The following THSD7B variants were observed in gnomAD, a reference collection of about 807,000 sequenced individuals.
THSD7B encodes thrombospondin type 1 domain containing 7B.
A neutral mutation model predicts 213.6 loss-of-function variants in THSD7B; 138 were observed. That is an observed-to-expected ratio of 0.65 (90% CI 0.56 to 0.74). The LOEUF (loss-of-function observed/expected upper bound fraction) is 0.74. Among genes scored for constraint, THSD7B ranks in the 30% least tolerant of loss-of-function variants. THSD7B has a pLI of 0.00. For synonymous variants in THSD7B, 742 were observed against 687.0 expected (o/e 1.08, Z -1.25); for missense variants, 1,931 against 1,991.5 (o/e 0.97, Z 0.58).
At chr2:137,594,512 C>T (rs564144925) in intron 17 of THSD7B, among the ~76,000 whole-genome samples, 89 of 151,960 alleles carry the variant, frequency 5.9e-4, no homozygotes, top group Admixed American at 1.2e-3. Flanking sequence ...CTTTGTAGAA[C>T]ATCAAGTAAA....
chr2:137,012,597 C>G (rs939647405), intron 2 of THSD7B, among the ~76,000 whole-genome samples: 1 of 152,164 alleles, frequency 6.6e-6, no homozygotes, highest in Non-Finnish European at 1.5e-5. Flanking sequence ...TCTAGTTGTT[C>G]AGCAAGTTCA....
intron 15 of THSD7B, among the ~76,000 whole-genome samples, chr2:137,469,103 A>G (rs1688046208): frequency 6.6e-6 from 1 of 152,032 alleles, no homozygotes; most frequent in Non-Finnish European, 1.5e-5. Flanking sequence ...TTTGAATGTA[A>G]GACCTATCTG....
intron 15 of THSD7B, among the ~76,000 whole-genome samples, chr2:137,502,191 C>A (rs912034347): frequency 1.6e-4 from 19 of 118,240 alleles, no homozygotes; most frequent in African/African-American, 5.5e-4. Context: ...AATAAATATT[C>A]TTTCATTATA....
At chr2:137,298,868 C>T (rs189079554) in intron 12 of THSD7B, among the ~76,000 whole-genome samples, 21 of 152,242 alleles carry the variant, frequency 1.4e-4, no homozygotes, top group East Asian at 9.7e-4. Flanking sequence ...GCTGCAGGGG[C>T]GGGGCCCTCA....
chr2:137,079,384 A>G (rs551778823), intron 3 of THSD7B, among the ~76,000 whole-genome samples: 1 of 152,070 alleles, frequency 6.6e-6, no homozygotes, highest in Non-Finnish European at 1.5e-5. Flanking sequence ...GTATTTTTCT[A>G]CACATAGTTG....
intron 12 of THSD7B, among the ~76,000 whole-genome samples, chr2:137,331,799 T>G (rs1317095941): frequency 6.6e-6 from 1 of 152,118 alleles, no homozygotes; most frequent in Admixed American, 6.5e-5. Flanking sequence ...GCAGCGCTCG[T>G]GGGCTGGTAC....
At chr2:137,403,944 T>C (rs887203768) in intron 12 of THSD7B, among the ~76,000 whole-genome samples, 7 of 152,178 alleles carry the variant, frequency 4.6e-5, no homozygotes, top group African/African-American at 1.4e-4. Flanking sequence ...CTGTCCAATC[T>C]AAATTTTCTG....
At chr2:137,034,777 T>C (rs1442746913) in intron 2 of THSD7B, among the ~76,000 whole-genome samples, 4 of 152,232 alleles carry the variant, frequency 2.6e-5, no homozygotes, top group African/African-American at 7.2e-5. Flanking sequence ...ACTCATTCTT[T>C]TTTATAGCTG....
intron 12 of THSD7B, among the ~76,000 whole-genome samples, chr2:137,287,679 G>A (rs1683217815): frequency 6.6e-6 from 1 of 152,092 alleles, no homozygotes; most frequent in Admixed American, 6.6e-5. Flanking sequence ...AATAAGCTAT[G>A]ATAAAAAGAA....
chr2:137,288,937 G>A (rs1269198235), intron 12 of THSD7B, among the ~76,000 whole-genome samples: 1 of 152,076 alleles, frequency 6.6e-6, no homozygotes, highest in Non-Finnish European at 1.5e-5. Flanking sequence ...ACTTTGAAAT[G>A]TGAGGGACAT....
At chr2:136,962,344 C>T (rs891401145) in intron 2 of THSD7B, among the ~76,000 whole-genome samples, 11 of 144,232 alleles carry the variant, frequency 7.6e-5, no homozygotes, top group South Asian at 4.5e-4. Context: ...TTGCTACATT[C>T]GTGGTAATTG....
chr2:137,577,912 C>T (rs1254319088), intron 17 of THSD7B, among the ~76,000 whole-genome samples: 5 of 152,024 alleles, frequency 3.3e-5, no homozygotes, highest in Admixed American at 6.6e-5. Context: ...GATTGTAACG[C>T]GATTCAAGAG....
chr2:137,316,498 G>A (rs779457702), intron 12 of THSD7B, among the ~76,000 whole-genome samples: 5 of 152,172 alleles, frequency 3.3e-5, no homozygotes, highest in Non-Finnish European at 7.3e-5. Flanking sequence ...AGGTGAGGCT[G>A]GGCGTGGTGG....
intron 3 of THSD7B, among the ~76,000 whole-genome samples, chr2:137,068,131 G>A (rs1437281454): frequency 6.6e-6 from 1 of 151,932 alleles, no homozygotes; most frequent in Non-Finnish European, 1.5e-5. Context: ...CTATGACTTC[G>A]ATTCTCTGAT....
intron 2 of THSD7B, among the ~76,000 whole-genome samples, chr2:137,007,388 T>C (rs573308690): frequency 3.9e-5 from 6 of 152,308 alleles, no homozygotes; most frequent in African/African-American, 1.2e-4. Flanking sequence ...ATTAAAAGTT[T>C]CCTGCAGATT....
At chr2:136,984,072 C>T (rs1685631029) in intron 2 of THSD7B, among the ~76,000 whole-genome samples, 1 of 152,042 alleles carries the variant, frequency 6.6e-6, no homozygotes, top group African/African-American at 2.4e-5. Flanking sequence ...AAAAAGAGAG[C>T]AAGAAAGAAA....
intron 5 of THSD7B, among the ~76,000 whole-genome samples, chr2:137,124,154 G>A (rs766630161): frequency 1.3e-5 from 2 of 152,168 alleles, no homozygotes; most frequent in Non-Finnish European, 2.9e-5. Context: ...TGAGACTAGT[G>A]CATTTACAAT....
intron 12 of THSD7B, among the ~76,000 whole-genome samples, chr2:137,344,617 G>A (rs1480428222): frequency 1.3e-5 from 2 of 151,624 alleles, no homozygotes; most frequent in African/African-American, 2.4e-5. Context: ...GAGTGTTAGA[G>A]CTAGTGCAGC....
chr2:137,367,594 A>G (rs1239886966), intron 12 of THSD7B, among the ~76,000 whole-genome samples: 1 of 152,138 alleles, frequency 6.6e-6, no homozygotes, highest in African/African-American at 2.4e-5. Flanking sequence ...TAATCTTTCT[A>G]ACCTATATTA....
Sources: gnomAD v4.1 joint callset for allele counts (sites outside exome capture counted in the v4.1 genomes callset) on GRCh38, gnomAD v4.1.1 for gene constraint, MANE v1.5 for transcripts, NCBI Gene and HGNC (gene_info 2026-07-23, HGNC 2026-07-21) for gene names.